OR11A1: variants seen among roughly 807,000 people sequenced by gnomAD.
The protein encoded by OR11A1 is olfactory receptor family 11 subfamily A member 1, also known as olfactory receptor 11A1.
For missense variants in OR11A1, 380 were observed against 378.2 expected (o/e 1.00, Z -0.04); for synonymous variants, 158 against 152.2 (o/e 1.04, Z -0.28).
intron 1 of OR11A1, among the ~76,000 whole-genome samples, chr6:29,447,370 G>A (rs980352528): frequency 6.6e-6 from 1 of 152,136 alleles, no homozygotes; most frequent in African/African-American, 2.4e-5. Flanking sequence ...TACACATTGG[G>A]CTTATCATTT....
At chr6:29,450,836 C>T (rs907909016) in intron 1 of OR11A1, among the ~76,000 whole-genome samples, 1 of 152,208 alleles carries the variant, frequency 6.6e-6, no homozygotes. Context: ...CTACCCATGA[C>T]ATTTTTCACA....
intron 1 of OR11A1, among the ~76,000 whole-genome samples, chr6:29,438,146 TA>T (rs1783787147): frequency 6.6e-6 from 1 of 152,224 alleles, no homozygotes; most frequent in Non-Finnish European, 1.5e-5. Context: ...GGGCTTGTTA[TA>T]ATGGTTGGTA....
At chr6:29,442,707 C>T (rs545343289) in intron 1 of OR11A1, among the ~76,000 whole-genome samples, 1 of 152,360 alleles carries the variant, frequency 6.6e-6, no homozygotes, top group Admixed American at 6.5e-5. Context: ...TGTGGCCTTC[C>T]TCAAACTCAT....
Position 29,443,972 on chromosome 6 carries a change from TA to T in OR11A1, c.-388-11986del, listed in dbSNP as rs148674915. Among the ~76,000 whole-genome samples, 594 of 129,346 alleles carry T rather than the reference TA, an allele frequency of 4.6e-3. 2 individuals are homozygous for T. The highest frequency in any genetic ancestry group is 0.033 in the East Asian group (145 of 4,438). 84.9% of individuals were successfully genotyped at this position (129,346 alleles called of 152,430 possible). ...AGACTTAGAGCCACCAATCAGTAATTAAAAAAAAAAAAATAGACAGGGGAAA... is the reference window on the plus strand; with the variant it reads ...AGACTTAGAGCCACCAATCAGTAATTAAAAAAAAAAAATAGACAGGGGAAA... On this transcript the variant is annotated intron_variant, in intron 1 of 4. Coordinates refer to ENST00000377149, the MANE Select transcript of OR11A1 (RefSeq NM_001394828.1).
intron 1 of OR11A1, among the ~76,000 whole-genome samples, chr6:29,437,731 T>C (rs1322400456): frequency 6.6e-6 from 1 of 152,244 alleles, no homozygotes; most frequent in East Asian, 1.9e-4. Flanking sequence ...TTAGCAATAA[T>C]ACTACATAGG....
At chr6:29,449,223 T>A (rs1785083264) in intron 1 of OR11A1, among the ~76,000 whole-genome samples, 1 of 152,132 alleles carries the variant, frequency 6.6e-6, no homozygotes. Context: ...TCAGTGTAAG[T>A]TTATCAGTTA....
At chr6:29,437,484 C>CTT (rs1561787424) in intron 1 of OR11A1, among the ~76,000 whole-genome samples, 1 of 148,802 alleles carries the variant, frequency 6.7e-6, no homozygotes, top group African/African-American at 2.6e-5. Flanking sequence ...TGTTCCAAAT[C>CTT]TTTTTTATAG....
rs182671980 is a variant in OR11A1, at chr6:29,428,391, T to G, written c.-92+522A>C. 2.3e-4 allele frequency: 229 copies of G among 984,862 alleles called. No individual in the cohort carries two copies. The Middle Eastern group carries it at 3.7e-3, about 16-fold the overall frequency. 61.0% of individuals were successfully genotyped at this position (984,862 alleles called of 1,614,324 possible). ...CAGCCTGGGGTTGTGGGGCAGAAGG[T>G]GTGGGATCAAGGTCGGGGAAGGCTT... On this transcript the variant is annotated intron_variant, in intron 4 of 4. Coordinates refer to ENST00000377149, the MANE Select transcript of OR11A1 (RefSeq NM_001394828.1).
At chr6:29,452,746 C>A (rs1785561034) in intron 1 of OR11A1, among the ~76,000 whole-genome samples, 1 of 151,986 alleles carries the variant, frequency 6.6e-6, no homozygotes, top group Non-Finnish European at 1.5e-5. Context: ...AGAAGATACT[C>A]ACTAAAAGAA....
At chr6:29,440,567 G>A (rs1335800855) in intron 1 of OR11A1, 3 of 1,613,666 alleles carry the variant, frequency 1.9e-6, no homozygotes, top group African/African-American at 2.7e-5. Context: ...AGCCTGTCCT[G>A]CAGCTGGTAT....
rs115569787 is a variant in OR11A1, at chr6:29,445,338, G to A, written c.-389+11649C>T. On this transcript the variant is annotated intron_variant, in intron 1 of 4. Transcript: ENST00000377149. ...CATTCTTTAGCTTTGCAGAACTGAA[G>A]TAAGAAGTGACTGTGGCATCAGGGA... 1.8e-3 allele frequency among the ~76,000 whole-genome samples: 274 copies of A among 152,306 alleles called. 2 individuals carry two copies. The highest frequency in any genetic ancestry group is 5.7e-3 in the African/African-American group (239 of 41,566).
intron 1 of OR11A1, among the ~76,000 whole-genome samples, chr6:29,452,497 A>T (rs77291711): frequency 0.015 from 2,227 of 152,266 alleles, 36 homozygotes; most frequent in East Asian, 0.088. Flanking sequence ...TAAAAAGAAA[A>T]ATCTGAAAAC....
intron 1 of OR11A1, among the ~76,000 whole-genome samples, chr6:29,456,066 C>T (rs1029507511): frequency 2.0e-5 from 3 of 151,622 alleles, no homozygotes; most frequent in Non-Finnish European, 2.9e-5. Context: ...ACCGTCTCTA[C>T]TAAATATACA....
In OR11A1 at chr6:29,451,967, G is replaced by A. The variant is rs1370064855; in HGVS notation, c.-389+5020C>T. On this transcript the variant is annotated intron_variant, in intron 1 of 4. Transcript: ENST00000377149. ...AGTGGACTGGAGAAGAAAAATGCAT[G>A]GTACTTATATACCATGGAATACTAT... Among the ~76,000 whole-genome samples, 40 of 152,028 alleles carry A rather than the reference G, an allele frequency of 2.6e-4. 1 individual carries two copies. The highest frequency in any genetic ancestry group is 1.5e-5 in the Non-Finnish European group (1 of 68,008).
chr6:29,452,306 C>A (rs1470101911), intron 1 of OR11A1, among the ~76,000 whole-genome samples: 1 of 152,012 alleles, frequency 6.6e-6, no homozygotes, highest in Non-Finnish European at 1.5e-5. Context: ...AACAAACCTG[C>A]ACCTGTGCCC....
rs772442424 is a variant in OR11A1, at chr6:29,427,381, G to T, written c.261C>A (p.Phe87Leu). Residue 87 changes from phenylalanine (F) to leucine (L), a missense_variant, in exon 5 of 5, where the codon TTC (phenylalanine) becomes TTA (leucine). Coordinates refer to ENST00000377149, the MANE Select transcript of OR11A1 (RefSeq NM_001394828.1). The part of the protein sequence containing the change: ...SAVMPKMLEG[F>L]LQEATISVAG... ...CCACAGAGATAGTTGCTTCTTGCAGGAAGCCCTCCAGCATTTTTGGCATCA... is the reference window on the plus strand; with the variant it reads ...CCACAGAGATAGTTGCTTCTTGCAGTAAGCCCTCCAGCATTTTTGGCATCA... 2 of 1,613,100 alleles carry T rather than the reference G, an allele frequency of 1.2e-6. No individual in the cohort carries two copies. Among genetic ancestry groups the T allele is most frequent in the Admixed American group, 3.3e-5 (2 of 60,028 alleles).
chr6:29,447,411 A>G (rs1784876591), intron 1 of OR11A1, among the ~76,000 whole-genome samples: 1 of 152,356 alleles, frequency 6.6e-6, no homozygotes, highest in East Asian at 1.9e-4. Context: ...AAAATAGTCA[A>G]TTTGAAAAAT....
rs1229738248 is a variant in OR11A1 at position 29,426,107 on chromosome 6, T to C, written c.*587A>G. ...ACACATAGAAAGAAATTTTTAAATG[T>C]CATACAACAATAATATAAAAAACAA... is the stretch of plus-strand genomic sequence containing the variant. On this transcript the variant is annotated 3_prime_UTR_variant, in exon 5 of 5. Coordinates refer to ENST00000377149, the MANE Select transcript of OR11A1 (RefSeq NM_001394828.1). 1.3e-5 allele frequency: 2 copies of C among 152,606 alleles called. No homozygotes were observed. The highest frequency in any genetic ancestry group is 2.9e-5 in the Non-Finnish European group (2 of 68,028). The allele number at this position is 152,606 out of a possible 1,614,324, so 9.5% of individuals were successfully genotyped here.
intron 1 of OR11A1, chr6:29,439,837 G>A (rs1582567256): frequency 3.3e-6 from 2 of 604,004 alleles, no homozygotes; most frequent in East Asian, 2.7e-5. Flanking sequence ...GAGCAAGGGT[G>A]GAATATGGAC....
Sources: allele counts gnomAD v4.1 joint callset (sites outside exome capture counted in the v4.1 genomes callset), GRCh38; gene constraint gnomAD v4.1.1; transcripts MANE v1.5; gene names NCBI Gene and HGNC (gene_info 2026-07-23, HGNC 2026-07-21).